The following ANKRD62 variants were observed in gnomAD, a reference collection of about 807,000 sequenced individuals.
ANKRD62 encodes the protein ankyrin repeat domain 62, also known as ankyrin repeat domain-containing protein 62.
In ANKRD62, 61 loss-of-function variants were observed where a neutral mutation model predicts 98.8. The observed-to-expected ratio is 0.62, with a 90% CI of 0.50 to 0.76. The LOEUF (loss-of-function observed/expected upper bound fraction) is 0.76, where lower values mean the gene tolerates loss of function less well. ANKRD62 is among the 30% of genes least tolerant of loss of function. The pLI, the probability that ANKRD62 is intolerant of heterozygous loss-of-function variation, is 0.00. For missense variants in ANKRD62, 933 were observed against 1,082.9 expected, an observed-to-expected ratio of 0.86 and a Z score of 1.94; for synonymous variants, 341 against 367.9, an observed-to-expected ratio of 0.93 and a Z score of 0.84.
At chr18:12,159,915 T>G in the ANKRD62 span, among the ~76,000 whole-genome samples, 1 of 152,106 alleles carries the variant, frequency 6.6e-6, no homozygotes, top group Non-Finnish European at 1.5e-5. Flanking sequence ...AGAATTATTT[T>G]ATGCTTTCAC....
exon 14 of ANKRD62, chr18:12,129,747 C>CAAAAAA (rs71172053): frequency 1.0e-5 from 1 of 100,486 alleles, no homozygotes; most frequent in East Asian, 3.5e-4. Context: ...GACTCTGTCT[C>CAAAAAA]AAAAAAAAAA....
downstream of ANKRD62, among the ~76,000 whole-genome samples, chr18:12,130,673 C>CT (rs58637656): frequency 5.3e-4 from 77 of 145,826 alleles, no homozygotes; most frequent in African/African-American, 1.3e-3. Context: ...CAATGTTTTA[C>CT]TTTTTTTTTT....
chr18:12,138,530 G>T, the ANKRD62 span, among the ~76,000 whole-genome samples: 1 of 152,168 alleles, frequency 6.6e-6, no homozygotes. Context: ...CTGTTGATTT[G>T]GGGTGGAGAG....
At chr18:12,157,802 T>G in the ANKRD62 span, among the ~76,000 whole-genome samples, 1 of 152,238 alleles carries the variant, frequency 6.6e-6, no homozygotes, top group Non-Finnish European at 1.5e-5. Flanking sequence ...AAAGGTCTGA[T>G]TCCTGAGCAG....
the ANKRD62 span, among the ~76,000 whole-genome samples, chr18:12,166,163 G>T: frequency 6.6e-6 from 1 of 151,978 alleles, no homozygotes; most frequent in Non-Finnish European, 1.5e-5. Context: ...TTCTGTACTT[G>T]GATGTTGATA....
intron 8 of ANKRD62, among the ~76,000 whole-genome samples, chr18:12,107,718 A>C (rs916718942): frequency 6.6e-6 from 1 of 152,194 alleles, no homozygotes; most frequent in Non-Finnish European, 1.5e-5. Flanking sequence ...TGCTAAATGA[A>C]ATTGGTAAAT....
the ANKRD62 span, among the ~76,000 whole-genome samples, chr18:12,167,470 C>T: frequency 1.6e-3 from 239 of 152,104 alleles, no homozygotes; most frequent in African/African-American, 5.5e-3. Flanking sequence ...TGAACTCATC[C>T]TTTTTTATGG....
chr18:12,120,374 T>C (rs998401586), intron 10 of ANKRD62, among the ~76,000 whole-genome samples: 1 of 152,224 alleles, frequency 6.6e-6, no homozygotes, highest in Non-Finnish European at 1.5e-5. Flanking sequence ...ACTGAAACTT[T>C]TATCATTGTG....
the ANKRD62 span, among the ~76,000 whole-genome samples, chr18:12,169,250 A>G: frequency 6.6e-6 from 1 of 152,302 alleles, no homozygotes; most frequent in South Asian, 2.1e-4. Context: ...CCCTTTCGGT[A>G]TGATATTGGC....
chr18:12,146,508 C>G, the ANKRD62 span, among the ~76,000 whole-genome samples: 22 of 152,290 alleles, frequency 1.4e-4, no homozygotes, highest in African/African-American at 4.8e-4. Flanking sequence ...TGCAGTGGCA[C>G]AATCTCGGCT....
downstream of ANKRD62, among the ~76,000 whole-genome samples, chr18:12,134,675 T>G (rs1156909641): frequency 6.6e-6 from 1 of 152,124 alleles, no homozygotes; most frequent in Non-Finnish European, 1.5e-5. Context: ...GTTTCCAGCT[T>G]CATCCATGTC....
chr18:12,139,388 T>C, the ANKRD62 span, among the ~76,000 whole-genome samples: 1 of 152,308 alleles, frequency 6.6e-6, no homozygotes, highest in South Asian at 2.1e-4. Flanking sequence ...CTCATGCCTG[T>C]AATCACAGCA....
chr18:12,119,659 G>A (rs569321267), intron 10 of ANKRD62, among the ~76,000 whole-genome samples: 1 of 152,150 alleles, frequency 6.6e-6, no homozygotes, highest in South Asian at 2.1e-4. Context: ...TTAGGTTTCA[G>A]CATATAAACT....
chr18:12,145,416 A>T, the ANKRD62 span, among the ~76,000 whole-genome samples: 1 of 152,258 alleles, frequency 6.6e-6, no homozygotes, highest in Non-Finnish European at 1.5e-5. Flanking sequence ...GCCAGAGAAT[A>T]CCACGACTGG....
In ANKRD62 at chr18:12,097,666, A is replaced by G; in HGVS notation, c.641A>G (p.Asn214Ser). 6.5e-7 allele frequency: 1 copy of G among 1,535,832 alleles called. No homozygotes were observed. Among genetic ancestry groups the G allele is most frequent in the Non-Finnish European group, 8.7e-7 (1 of 1,146,666 alleles). ...ACAGCCCTGATACTTGCTGCTCGTA[A>G]TGGATCAACAAGTGTAGTCTACCAG... ...GRTALILAAR[N>S]GSTSVVYQLL... The change falls in exon 5 of 14, where the codon AAT becomes AGT. Residue 214 changes from asparagine to serine, a missense_variant. Asn to Ser is a conservative substitution (Grantham distance 46). Transcript: ENST00000587848.
intron 1 of ANKRD62, among the ~76,000 whole-genome samples, chr18:12,094,733 T>TGTATTAGGA (rs1909139990): frequency 2.6e-5 from 1 of 38,740 alleles, no homozygotes; most frequent in Non-Finnish European, 4.9e-5. Flanking sequence ...GGTGGGAGAC[T>TGTATTAGGA]GGTGGGAAGT....
the ANKRD62 span, among the ~76,000 whole-genome samples, chr18:12,165,510 C>A: frequency 2.0e-5 from 3 of 151,610 alleles, no homozygotes; most frequent in Non-Finnish European, 2.9e-5. Flanking sequence ...ATTGCATAAA[C>A]AAACACACAA....
the ANKRD62 span, among the ~76,000 whole-genome samples, chr18:12,165,120 A>G: frequency 7.9e-5 from 12 of 151,960 alleles, no homozygotes; most frequent in Admixed American, 3.9e-4. Context: ...TTCCTTTGCC[A>G]TGGAATATTT....
chr18:12,175,292 G>A, the ANKRD62 span, among the ~76,000 whole-genome samples: 1 of 152,072 alleles, frequency 6.6e-6, no homozygotes, highest in Non-Finnish European at 1.5e-5. Context: ...TGTCACAAGG[G>A]CAGGGTAGGG....
Sources: allele counts gnomAD v4.1 joint callset (sites outside exome capture counted in the v4.1 genomes callset), GRCh38; gene constraint gnomAD v4.1.1; transcripts MANE v1.5; gene names NCBI Gene and HGNC (gene_info 2026-07-23, HGNC 2026-07-21).